Variants in MCPH1 observed in about 807,000 individuals in gnomAD.
The protein encoded by MCPH1 is microcephalin.
In MCPH1, 104 loss-of-function variants were observed where a neutral mutation model predicts 84.5. That is an observed-to-expected ratio of 1.23 (90% CI 1.05 to 1.45). The LOEUF (loss-of-function observed/expected upper bound fraction) is 1.45, where lower values mean the gene tolerates loss of function less well. MCPH1 is among the 40% of genes most tolerant of loss of function. The pLI is 0.00. For synonymous variants in MCPH1, 514 were observed against 366.8 expected (o/e 1.40, Z -4.58); for missense variants, 1,498 against 1,005.7 (o/e 1.49, Z -6.62).
At chr8:6,637,693 A>G (rs540450310) in intron 13 of MCPH1, among the ~76,000 whole-genome samples, 6 of 152,154 alleles carry the variant, frequency 3.9e-5, no homozygotes, top group Admixed American at 1.3e-4. Flanking sequence ...GAGTCTCCCA[A>G]TGTTGCCCAG....
At chr8:6,453,324 A>AAAC (rs67222887) in intron 8 of MCPH1, among the ~76,000 whole-genome samples, 148,419 of 152,176 alleles carry the variant, frequency 0.98, 72,474 homozygotes, top group South Asian at 1. Flanking sequence ...TGTTTTAAAT[A>AAAC]AAATCATTTA....
At chr8:6,599,054 C>G (rs1006434506) in intron 12 of MCPH1, among the ~76,000 whole-genome samples, 4 of 152,200 alleles carry the variant, frequency 2.6e-5, no homozygotes, top group African/African-American at 9.7e-5. Context: ...ATACGGGGCT[C>G]TTAAAAGTCC....
chr8:6,442,971 T>G (rs1188921274), intron 7 of MCPH1, among the ~76,000 whole-genome samples: 24 of 152,260 alleles, frequency 1.6e-4, no homozygotes, highest in Admixed American at 1.6e-3. Context: ...ACAGTCTCCA[T>G]CTTTTTATTT....
chr8:6,433,492 A>T (rs939115189), intron 4 of MCPH1, among the ~76,000 whole-genome samples: 27 of 151,920 alleles, frequency 1.8e-4, no homozygotes, highest in African/African-American at 6.5e-4. Context: ...AATTAGCCCA[A>T]CCTGGTGGTG....
chr8:6,406,814 C>G (rs1303984695), intron 1 of MCPH1, 125 bp downstream of exon 1: 7 of 1,034,914 alleles, frequency 6.8e-6, no homozygotes, highest in Non-Finnish European at 2.9e-6. Flanking sequence ...GCCTGTCTCC[C>G]CCAGACCCCC....
chr8:6,499,218 A>G (rs922096727), intron 11 of MCPH1, among the ~76,000 whole-genome samples: 6 of 152,214 alleles, frequency 3.9e-5, no homozygotes, highest in Admixed American at 1.3e-4. Context: ...AACCTCAAAT[A>G]TTACTGAATT....
In MCPH1 at chr8:6,645,219, G is replaced by C. The variant is rs1205703238; in HGVS notation, c.*2170G>C. The C allele has an allele frequency of 6.6e-6, 1 of 152,228 alleles. No homozygotes were observed. The highest frequency in any genetic ancestry group is 6.6e-5 in the Admixed American group (1 of 15,266). The allele number at this position is 152,228 out of a possible 1,614,324, so 9.4% of individuals were successfully genotyped here. A position where few individuals can be genotyped will look rare whatever the true frequency, so the allele number is the denominator to read the frequency against. On this transcript the variant is annotated 3_prime_UTR_variant, in exon 14 of 14. Transcript: ENST00000344683. ...GCCTCAGTCCCCAGTGTTAAGTTCT[G>C]ATCCCTGATGCTGGCCTGCCAGTGG...
chr8:6,595,571 A>T (rs1222305064), intron 12 of MCPH1, among the ~76,000 whole-genome samples: 1 of 152,214 alleles, frequency 6.6e-6, no homozygotes, highest in African/African-American at 2.4e-5. Context: ...TCTGCTCCAG[A>T]AGAGATGCGG....
rs900824707 is a variant in MCPH1, at chr8:6,503,013, G to A, written c.2214+3084G>A. 5.4e-6 allele frequency: 8 copies of A among 1,492,846 alleles called. No individual in the cohort carries two copies. In the African/African-American group the frequency reaches 5.5e-5, roughly 10 times the overall value. The allele number at this position is 1,492,846 out of a possible 1,614,324, so 92.5% of individuals were successfully genotyped here. On this transcript the variant is annotated intron_variant, in intron 12 of 13. Transcript: ENST00000344683. Reference sequence around the variant, plus strand: ...AGCACACGCCCTCTGTGGTGGAAGAGGACACAGTGCGCAGCCGTGACTTTC... The same window carrying A: ...AGCACACGCCCTCTGTGGTGGAAGAAGACACAGTGCGCAGCCGTGACTTTC...
intron 12 of MCPH1, chr8:6,509,103 A>T: frequency 6.3e-7 from 1 of 1,596,892 alleles, no homozygotes. Context: ...GGCTAGGGTC[A>T]TTGATTTACC....
At chr8:6,409,510 A>C in intron 2 of MCPH1, 140 bp downstream of exon 2, 1 of 705,672 alleles carries the variant, frequency 1.4e-6, no homozygotes, top group Non-Finnish European at 2.5e-6. Flanking sequence ...AAAAGAGCCA[A>C]AGTGTGAAGA....
chr8:6,496,999 G>T (rs1057453549), intron 11 of MCPH1, among the ~76,000 whole-genome samples: 4 of 152,082 alleles, frequency 2.6e-5, no homozygotes, highest in Non-Finnish European at 4.4e-5. Flanking sequence ...TTTTGCTTAT[G>T]AAATACTTTG....
chr8:6,626,986 A>G (rs1432399146), intron 13 of MCPH1: 1 of 687,590 alleles, frequency 1.5e-6, no homozygotes, highest in Non-Finnish European at 1.7e-6. Context: ...AGCATTGCCA[A>G]AAAAAAAAAA....
chr8:6,455,267 A>G lies in MCPH1; in HGVS notation c.1935+15A>G. On this transcript the variant is annotated intron_variant, in intron 9 of 13. Coordinates refer to ENST00000344683, the MANE Select transcript of MCPH1 (RefSeq NM_024596.5). ...GAGGCAAAAAGGTCAGTGTGTAAAA[A>G]TATTATTTTAAACTTTCAAATGCTG... 6.4e-7 allele frequency: 1 copy of G among 1,557,492 alleles called. No homozygotes were observed. Among genetic ancestry groups the G allele is most frequent in the Non-Finnish European group, 8.9e-7 (1 of 1,128,614 alleles).
intron 12 of MCPH1, among the ~76,000 whole-genome samples, chr8:6,593,542 T>C (rs558766838): frequency 2.0e-5 from 3 of 152,148 alleles, no homozygotes; most frequent in African/African-American, 7.2e-5. Flanking sequence ...TTAATAAAGA[T>C]AGCATTTAAT....
chr8:6,500,396 G>C (rs1811924505), intron 12 of MCPH1: 1 of 157,532 alleles, frequency 6.3e-6, no homozygotes, highest in African/African-American at 2.4e-5. Context: ...TTTTTTTTAA[G>C]ATTAAGTAAT....
chr8:6,417,665 C>T (rs575407010), intron 3 of MCPH1, among the ~76,000 whole-genome samples: 4 of 151,838 alleles, frequency 2.6e-5, no homozygotes, highest in Non-Finnish European at 4.4e-5. Context: ...CTTTTTATTT[C>T]GGTTTCATGT....
intron 12 of MCPH1, among the ~76,000 whole-genome samples, chr8:6,525,309 G>A (rs1818129584): frequency 6.6e-6 from 1 of 152,112 alleles, no homozygotes; most frequent in South Asian, 2.1e-4. Flanking sequence ...TGCCCAGGTT[G>A]GTATCAAACT....
intron 12 of MCPH1, among the ~76,000 whole-genome samples, chr8:6,516,914 A>G (rs1166699233): frequency 2.0e-5 from 3 of 152,200 alleles, no homozygotes; most frequent in Non-Finnish European, 4.4e-5. Flanking sequence ...GCCAGCACAT[A>G]AATGATTTGA....
Sources: gnomAD v4.1 joint callset for allele counts (sites outside exome capture counted in the v4.1 genomes callset) on GRCh38, gnomAD v4.1.1 for gene constraint, MANE v1.5 for transcripts, NCBI Gene and HGNC (gene_info 2026-07-23, HGNC 2026-07-21) for gene names.